The following BRI3 variants were observed in gnomAD, a reference collection of about 807,000 sequenced individuals.
BRI3 encodes the protein brain protein I3, also known as membrane protein BRI3.
A neutral mutation model predicts 12.8 loss-of-function variants in BRI3; 6 were observed. That is an observed-to-expected ratio of 0.47 (90% CI 0.26 to 0.93). BRI3 has a LOEUF of 0.93. Ranked by LOEUF, BRI3 falls within the 40% of genes least tolerant of loss-of-function variation. The pLI, the probability that BRI3 is intolerant of heterozygous loss-of-function variation, is 0.15. For synonymous variants in BRI3, 91 were observed against 76.1 expected (o/e 1.20, Z -1.02); for missense variants, 134 against 171.1 (o/e 0.78, Z 1.21).
downstream of BRI3, among the ~76,000 whole-genome samples, chr7:98,294,748 A>C (rs1241703674): frequency 6.6e-6 from 1 of 152,190 alleles, no homozygotes; most frequent in Non-Finnish European, 1.5e-5. Flanking sequence ...AATAAAAATA[A>C]AACCCCACTG....
downstream of BRI3, among the ~76,000 whole-genome samples, chr7:98,294,686 CTGGGATGTGCTT>C (rs1245619887): frequency 2.0e-5 from 3 of 152,194 alleles, no homozygotes; most frequent in African/African-American, 7.2e-5. Context: ...AATCTAGTGA[CTGGGATGTGCTT>C]TTTGGGAGCT....
chr7:98,319,640 C>G, the BRI3 span, among the ~76,000 whole-genome samples: 3,668 of 151,592 alleles, frequency 0.024, 145 homozygotes, highest in African/African-American at 0.085. Flanking sequence ...TCCGCCTCCC[C>G]GGTTCAAGCC....
At chr7:98,305,702 C>T (rs1645016069), upstream of BRI3, among the ~76,000 whole-genome samples, 2 of 152,216 alleles carry the variant, frequency 1.3e-5, no homozygotes, top group Non-Finnish European at 1.5e-5. Flanking sequence ...GGATTACAGG[C>T]ACAAGCCACC....
chr7:98,288,142 AGT>A (rs1799774435), intron 2 of BRI3, among the ~76,000 whole-genome samples: 1 of 152,172 alleles, frequency 6.6e-6, no homozygotes, highest in Non-Finnish European at 1.5e-5. Context: ...ATATACAGCC[AGT>A]GTGTTTCCTG....
the BRI3 span, among the ~76,000 whole-genome samples, chr7:98,322,045 G>A: frequency 6.6e-6 from 1 of 152,124 alleles, no homozygotes; most frequent in African/African-American, 2.4e-5. Flanking sequence ...GCAGTGAGCC[G>A]AGATAGCGCC....
Position 98,281,720 on chromosome 7 carries a change from C to G in BRI3, c.-76C>G, listed in dbSNP as rs904502813. ...CGAGCCACCCGGTCCGCCGCGTCCC[C>G]GCCGCCGCCGCCGCGTCCCCCGCCG... On this transcript the variant is annotated 5_prime_UTR_variant, in exon 1 of 3. Coordinates refer to ENST00000297290, the MANE Select transcript of BRI3 (RefSeq NM_015379.5). The G allele has an allele frequency of 1.9e-5, 10 of 532,562 alleles. No homozygotes were observed. Among genetic ancestry groups the G allele is most frequent in the Non-Finnish European group, 2.4e-5 (10 of 422,300 alleles). The allele number at this position is 532,562 out of a possible 1,614,324, so 33.0% of individuals were successfully genotyped here.
chr7:98,287,664 G>A (rs745833739), intron 2 of BRI3, among the ~76,000 whole-genome samples: 3 of 152,224 alleles, frequency 2.0e-5, no homozygotes, highest in Non-Finnish European at 4.4e-5. Flanking sequence ...CTCTGACAGA[G>A]TAGGTGGGTT....
exon 2 of BRI3, chr7:98,308,164 A>G (rs1562967750): frequency 4.9e-6 from 3 of 606,802 alleles, no homozygotes; most frequent in Non-Finnish European, 9.3e-6. Context: ...GCCCAAGGAC[A>G]AGGCGGTGTG....
the BRI3 span, among the ~76,000 whole-genome samples, chr7:98,321,669 TC>T: frequency 6.6e-6 from 1 of 152,284 alleles, no homozygotes; most frequent in Non-Finnish European, 1.5e-5. Context: ...CAAACGGGTT[TC>T]CTAGGGTCTG....
chr7:98,322,627 T>C, the BRI3 span, among the ~76,000 whole-genome samples: 3 of 152,062 alleles, frequency 2.0e-5, no homozygotes, highest in Non-Finnish European at 2.9e-5. Context: ...CACCAGGTGA[T>C]CTGTTCCACC....
At chr7:98,299,298 T>C (rs66548074) in intron 1 of BRI3, among the ~76,000 whole-genome samples, 61,143 of 151,940 alleles carry the variant, frequency 0.4, 13,414 homozygotes, top group Middle Eastern at 0.54. Context: ...GGATTACAGG[T>C]GTGAGCCACC....
At chr7:98,306,172 G>A (rs558810858), upstream of BRI3, among the ~76,000 whole-genome samples, 1 of 152,324 alleles carries the variant, frequency 6.6e-6, no homozygotes, top group African/African-American at 2.4e-5. Flanking sequence ...TAGCGACCAG[G>A]AGGGGCAGGG....
chr7:98,283,239 A>C (rs1378716701), intron 2 of BRI3, among the ~76,000 whole-genome samples: 1 of 152,048 alleles, frequency 6.6e-6, no homozygotes, highest in South Asian at 2.1e-4. Context: ...CGGAGGAGGA[A>C]GTTGAAGCCA....
downstream of BRI3, among the ~76,000 whole-genome samples, chr7:98,314,684 C>T (rs781482483): frequency 3.3e-5 from 5 of 152,076 alleles, no homozygotes; most frequent in African/African-American, 4.8e-5. Context: ...TGTCCTGATG[C>T]GCGTGAATGG....
chr7:98,304,865 A>AT (rs11423233), upstream of BRI3, among the ~76,000 whole-genome samples: 56,130 of 136,286 alleles, frequency 0.41, 12,952 homozygotes, highest in Middle Eastern at 0.54. Context: ...CTCACAAGAA[A>AT]TTTTTTTTTT....
chr7:98,305,449 T>G (rs113194022), upstream of BRI3, among the ~76,000 whole-genome samples: 519 of 152,268 alleles, frequency 3.4e-3, 3 homozygotes, highest in Non-Finnish European at 4.1e-3. Flanking sequence ...CATCAGACCC[T>G]GGGGAATGCA....
the BRI3 span, among the ~76,000 whole-genome samples, chr7:98,320,850 C>T: frequency 7.7e-5 from 10 of 129,776 alleles, no homozygotes; most frequent in Admixed American, 4.7e-4. Context: ...TCACATGAGT[C>T]TTTCTGTTCT....
downstream of BRI3, chr7:98,292,806 G>C: frequency 1.3e-6 from 2 of 1,533,104 alleles, no homozygotes; most frequent in Non-Finnish European, 8.8e-7. Flanking sequence ...GCCCAGGCCT[G>C]TGTCCTGGAT....
chr7:98,320,420 C>T, the BRI3 span: 2 of 691,624 alleles, frequency 2.9e-6, no homozygotes, highest in Non-Finnish European at 4.9e-6. Context: ...GCTGCAACCT[C>T]CGCCTCCCGG....
Sources: allele counts gnomAD v4.1 joint callset (sites outside exome capture counted in the v4.1 genomes callset), GRCh38; gene constraint gnomAD v4.1.1; transcripts MANE v1.5; gene names NCBI Gene and HGNC (gene_info 2026-07-23, HGNC 2026-07-21).